The following FAM169A variants were observed in gnomAD, a reference collection of about 807,000 sequenced individuals.
FAM169A encodes soluble lamin-associated protein of 75 kDa.
In FAM169A, 24 loss-of-function variants were observed where a neutral mutation model predicts 75.7. The observed-to-expected ratio is 0.32, with a 90% CI of 0.23 to 0.45. FAM169A has a LOEUF of 0.45. Among genes scored for constraint, FAM169A ranks in the 20% least tolerant of loss-of-function variants. The pLI, the probability that FAM169A is intolerant of heterozygous loss-of-function variation, is 1.00. For synonymous variants in FAM169A, 271 were observed against 271.0 expected (o/e 1.00, Z 0.00); for missense variants, 673 against 784.0 (o/e 0.86, Z 1.69).
In FAM169A at chr5:74,778,773, TAA is replaced by T. The variant is rs1370448766; in HGVS notation, c.*2685_*2686del. On this transcript the variant is annotated 3_prime_UTR_variant, in exon 13 of 13. Coordinates refer to ENST00000687041, the MANE Select transcript of FAM169A (RefSeq NM_001376049.1). Reference sequence around the variant, plus strand: ...ACAAGGAAATATACACGTATGTACATAAAAAGTGAACTCCCTTCACAAATAAG... The same window carrying T: ...ACAAGGAAATATACACGTATGTACATAAAGTGAACTCCCTTCACAAATAAG... 6.6e-6 allele frequency: 1 copy of T among 152,058 alleles called. No homozygotes were observed. Among genetic ancestry groups the T allele is most frequent in the Non-Finnish European group, 1.5e-5 (1 of 67,904 alleles). 9.4% of individuals were successfully genotyped at this position (152,058 alleles called of 1,614,324 possible). A position where few individuals can be genotyped will look rare whatever the true frequency, so the allele number is the denominator to read the frequency against.
chr5:74,794,710 C>G (rs1746172301), intron 11 of FAM169A, among the ~76,000 whole-genome samples: 1 of 146,592 alleles, frequency 6.8e-6, no homozygotes, highest in Admixed American at 6.9e-5. Flanking sequence ...ACCCGGGAGG[C>G]AGAGCTTGCA....
intron 6 of FAM169A, among the ~76,000 whole-genome samples, chr5:74,811,422 G>A (rs1158266738): frequency 6.6e-6 from 1 of 152,128 alleles, no homozygotes; most frequent in Non-Finnish European, 1.5e-5. Context: ...AGGGGGTAAT[G>A]CATTTTAGGA....
chr5:74,794,861 A>G (rs1053782517), intron 11 of FAM169A, among the ~76,000 whole-genome samples: 1 of 151,678 alleles, frequency 6.6e-6, no homozygotes. Flanking sequence ...AGGCAGAGGC[A>G]GGAGAATTGC....
rs1351691654 is a variant in FAM169A at position 74,799,484 on chromosome 5, T to A, written c.1103+1396A>T. The A allele has an allele frequency of 1.9e-5, 31 of 1,602,748 alleles. No homozygotes were observed. In the Admixed American group the frequency reaches 4.7e-4, roughly 24 times the overall value. On this transcript the variant is annotated intron_variant, in intron 10 of 12. Coordinates refer to ENST00000687041, the MANE Select transcript of FAM169A (RefSeq NM_001376049.1). ...TTGCTGGCAGCAGGATCATGTGACT[T>A]CAAACACAGAGTGTTTTCTTCCTAC...
At chr5:74,853,701 ATTTTTTTT>A (rs34017579) in intron 1 of FAM169A, among the ~76,000 whole-genome samples, 1 of 110,188 alleles carries the variant, frequency 9.1e-6, no homozygotes, top group Non-Finnish European at 1.7e-5. Flanking sequence ...CATCTTCAGA[ATTTTTTTT>A]TTTTTTTTTT....
At position 74,781,831 on chromosome 5, in the gene FAM169A, T is replaced by C. The variant is rs750910675; in HGVS notation, c.1642A>G (p.Ile548Val). Residue 548 changes from isoleucine to valine, a missense_variant, in exon 13 of 13, where the codon ATA (isoleucine) becomes GTA (valine). Ile to Val is a conservative substitution (Grantham distance 29). Around this residue, in one of 3 missense-constraint regions of FAM169A, gnomAD observed 510 missense variants for 550.9 expected, o/e 0.93. Transcript: ENST00000687041. ...RSDGGFPNSV[I>V]AEFSEEPVSE... is the part of the protein sequence containing the mutation. ...ACCGGTTCTTCGGAAAATTCAGCTA[T>C]CACAGAGTTTGGAAAACCACCATCA... 5 of 1,614,094 alleles carry C rather than the reference T, an allele frequency of 3.1e-6. No individual in the cohort carries two copies. Among genetic ancestry groups the C allele is most frequent in the Non-Finnish European group, 8.5e-7 (1 of 1,180,010 alleles).
intron 5 of FAM169A, among the ~76,000 whole-genome samples, chr5:74,825,076 G>A (rs184638574): frequency 1.1e-4 from 16 of 152,162 alleles, no homozygotes; most frequent in Admixed American, 2.0e-4. Flanking sequence ...AGTGTACCAT[G>A]AATGTTTATT....
chr5:74,789,704 A>G (rs1745878427), intron 11 of FAM169A, among the ~76,000 whole-genome samples: 1 of 152,322 alleles, frequency 6.6e-6, no homozygotes, highest in South Asian at 2.1e-4. Flanking sequence ...GGAGGCCTCT[A>G]GGATTTTGGA....
At chr5:74,857,572 G>A (rs76541786) in intron 1 of FAM169A, among the ~76,000 whole-genome samples, 7,087 of 56,240 alleles carry the variant, frequency 0.13, 976 homozygotes, top group African/African-American at 0.26. Flanking sequence ...CTTGCCGCGG[G>A]AAAAAAAAAA....
At chr5:74,784,735 G>A (rs1284671679) in intron 11 of FAM169A, among the ~76,000 whole-genome samples, 2 of 150,448 alleles carry the variant, frequency 1.3e-5, no homozygotes, top group African/African-American at 2.4e-5. Context: ...TGGCTAACAT[G>A]GTGAAACTCC....
chr5:74,836,265 T>C (rs932624026), intron 4 of FAM169A, among the ~76,000 whole-genome samples: 2 of 152,244 alleles, frequency 1.3e-5, no homozygotes, highest in African/African-American at 4.8e-5. Flanking sequence ...AGTTAATTTT[T>C]TGAACCTATA....
chr5:74,791,606 C>A (rs1475200234), intron 11 of FAM169A, among the ~76,000 whole-genome samples: 4 of 152,174 alleles, frequency 2.6e-5, no homozygotes, highest in Admixed American at 1.3e-4. Context: ...GTCTACTACT[C>A]CACAATGGAG....
Position 74,804,596 on chromosome 5 carries a change from T to A in FAM169A, c.809A>T (p.Gln270Leu), listed in dbSNP as rs1746766567. ...REALKILALS[Q>L]NEPKRPMSGE... is the part of the protein sequence containing the mutation. ...AGACATAGGTCTTTTAGGTTCATTTTGAGAAAGTGCTGCGTATAGAAGAAT... is the reference window on the plus strand; with the variant it reads ...AGACATAGGTCTTTTAGGTTCATTTAGAGAAAGTGCTGCGTATAGAAGAAT... The change falls in exon 8 of 13, where the codon CAA (glutamine) becomes CTA (leucine). Residue 270 changes from glutamine (Q) to leucine (L), a missense_variant. Coordinates refer to ENST00000687041, the MANE Select transcript of FAM169A (RefSeq NM_001376049.1). 3 of 1,590,916 alleles carry A rather than the reference T, an allele frequency of 1.9e-6. No individual in the cohort carries two copies. The highest frequency in any genetic ancestry group is 1.3e-5 in the African/African-American group (1 of 74,322).
At chr5:74,819,076 G>A (rs1747638874) in intron 5 of FAM169A, among the ~76,000 whole-genome samples, 1 of 151,948 alleles carries the variant, frequency 6.6e-6, no homozygotes, top group South Asian at 2.1e-4. Flanking sequence ...AAAATTAGCT[G>A]GGCGTGGTGG....
chr5:74,797,221 C>T (rs1379015483), intron 10 of FAM169A, among the ~76,000 whole-genome samples: 2 of 152,138 alleles, frequency 1.3e-5, no homozygotes, highest in Admixed American at 6.5e-5. Context: ...CTGTCACCTA[C>T]GCTGGAGTGC....
chr5:74,836,180 AT>A (rs1283616307), intron 4 of FAM169A, among the ~76,000 whole-genome samples: 1 of 152,052 alleles, frequency 6.6e-6, no homozygotes, highest in Non-Finnish European at 1.5e-5. Context: ...GCTTATCTGG[AT>A]TTTACTGCTA....
At chr5:74,826,696 A>G (rs377287346) in intron 5 of FAM169A, among the ~76,000 whole-genome samples, 2 of 152,320 alleles carry the variant, frequency 1.3e-5, no homozygotes, top group South Asian at 2.1e-4. Context: ...CATTACAAAG[A>G]GCTCCCATAT....
In FAM169A at chr5:74,779,930, T is replaced by A. The variant is rs1745328274; in HGVS notation, c.*1530A>T. The A allele has an allele frequency of 6.6e-6, 1 of 152,220 alleles. No homozygotes were observed. The highest frequency in any genetic ancestry group is 6.5e-5 in the Admixed American group (1 of 15,276). The allele number at this position is 152,220 out of a possible 1,614,324, so 9.4% of individuals were successfully genotyped here. ...TCAAATAATGACACAAAGTCTTAGT[T>A]TCTTTTGCATAAGGATCAAGATCAA... On this transcript the variant is annotated 3_prime_UTR_variant, in exon 13 of 13. Transcript: ENST00000687041.
intron 1 of FAM169A, among the ~76,000 whole-genome samples, chr5:74,857,368 C>G (rs187079383): frequency 6.6e-6 from 1 of 151,418 alleles, no homozygotes; most frequent in Non-Finnish European, 1.5e-5. Flanking sequence ...CTGGGCAACA[C>G]GGCAAAACCC....
Sources: allele counts gnomAD v4.1 joint callset (sites outside exome capture counted in the v4.1 genomes callset), GRCh38; gene constraint gnomAD v4.1.1; regional missense constraint gnomAD v4.1.1; transcripts MANE v1.5; gene names NCBI Gene and HGNC (gene_info 2026-07-23, HGNC 2026-07-21).